Variants in ICA1 observed in about 807,000 individuals in gnomAD.
ICA1 encodes the protein 69 kDa islet cell autoantigen.
A neutral mutation model predicts 71.0 loss-of-function variants in ICA1; 40 were observed. That is an observed-to-expected ratio of 0.56 (90% CI 0.44 to 0.73). ICA1 has a LOEUF of 0.73. ICA1 is among the 30% of genes least tolerant of loss of function. ICA1 has a pLI of 0.00. For missense variants in ICA1, 578 were observed against 576.5 expected, an observed-to-expected ratio of 1.00 and a Z score of -0.03; for synonymous variants, 207 against 209.5, an observed-to-expected ratio of 0.99 and a Z score of 0.10.
At chr7:8,238,799 G>A (rs141805041) in intron 1 of ICA1, among the ~76,000 whole-genome samples, 111 of 152,138 alleles carry the variant, frequency 7.3e-4, no homozygotes, top group African/African-American at 1.4e-3. Flanking sequence ...GATACCATAC[G>A]GCAGTGTTCC....
At chr7:8,124,120 T>A (rs1361533686) in intron 13 of ICA1, among the ~76,000 whole-genome samples, 2,052 of 142,238 alleles carry the variant, frequency 0.014, 64 homozygotes, top group African/African-American at 0.05. Flanking sequence ...AATTTTTTTT[T>A]TTTTTTTTTT....
At chr7:8,206,586 A>T (rs1202815629) in intron 6 of ICA1, among the ~76,000 whole-genome samples, 2 of 152,186 alleles carry the variant, frequency 1.3e-5, no homozygotes, top group Admixed American at 6.5e-5. Flanking sequence ...ATGGCACAAC[A>T]TTTGAGAGGC....
intron 13 of ICA1, among the ~76,000 whole-genome samples, chr7:8,121,957 G>T (rs1188023389): frequency 6.6e-6 from 1 of 152,222 alleles, no homozygotes; most frequent in African/African-American, 2.4e-5. Context: ...GGAGAGGAGT[G>T]ATTAAGTACA....
In ICA1 at chr7:8,223,204, T is replaced by A. The variant is rs1216200540; in HGVS notation, c.257-1806A>T. On this transcript the variant is annotated intron_variant, in intron 4 of 13. Coordinates refer to ENST00000402384, the MANE Select transcript of ICA1 (RefSeq NM_001136020.3). This position sits in a 1 kb window ranked among gnomAD's most constrained non-coding sequence, Gnocchi z 4.1. ...ATGAATCTTTCCCTATGGAAAGCAATGTCTCATTTTTGATCTTAATCGTGT... is the reference window on the plus strand; with the variant it reads ...ATGAATCTTTCCCTATGGAAAGCAAAGTCTCATTTTTGATCTTAATCGTGT... Among the ~76,000 whole-genome samples the A allele has an allele frequency of 6.6e-6, 1 of 152,216 alleles. No homozygotes were observed. Among genetic ancestry groups the A allele is most frequent in the Non-Finnish European group, 1.5e-5 (1 of 68,040 alleles).
chr7:8,209,596 TAATA>T (rs1433719573), intron 6 of ICA1, among the ~76,000 whole-genome samples: 1 of 152,236 alleles, frequency 6.6e-6, no homozygotes, highest in Non-Finnish European at 1.5e-5. Context: ...CCCAATTGCA[TAATA>T]ATTAAGCCTA....
chr7:8,253,764 G>A (rs1809044257), intron 1 of ICA1, among the ~76,000 whole-genome samples: 1 of 152,094 alleles, frequency 6.6e-6, no homozygotes, highest in South Asian at 2.1e-4. Context: ...AGCATGTGTG[G>A]ATTTTCATAG....
At chr7:8,146,328 C>T (rs1483871216) in intron 8 of ICA1, among the ~76,000 whole-genome samples, 1 of 152,066 alleles carries the variant, frequency 6.6e-6, no homozygotes, top group Admixed American at 6.6e-5. Context: ...GAAGAGAGTT[C>T]CGAGTCAATG....
chr7:8,153,949 T>C (rs1800594139), intron 8 of ICA1, among the ~76,000 whole-genome samples: 1 of 151,302 alleles, frequency 6.6e-6, no homozygotes, highest in Non-Finnish European at 1.5e-5. Context: ...ACTTAGAAGA[T>C]AGTTTCTCTG....
At chr7:8,182,127 T>C (rs1782375718) in intron 6 of ICA1, among the ~76,000 whole-genome samples, 1 of 152,172 alleles carries the variant, frequency 6.6e-6, no homozygotes, top group South Asian at 2.1e-4. Context: ...TCTTACCCTT[T>C]TTTTTCCCTT....
rs1365614275 is a variant in ICA1 at position 8,127,892 on chromosome 7, G to A, written c.1311C>T (p.Asp437=). 6.2e-7 allele frequency: 1 copy of A among 1,613,942 alleles called. No individual in the cohort carries two copies. The highest frequency in any genetic ancestry group is 1.3e-5 in the African/African-American group (1 of 74,916). Residue 437 remains aspartate (D), a synonymous_variant, in exon 13 of 14, where the codon GAC becomes GAT. Coordinates refer to ENST00000402384, the MANE Select transcript of ICA1 (RefSeq NM_001136020.3). ...ACCTACCTTGTAGCGAGGCCTGTAA[G>A]TCTTTCATATTTTGGTCTAAAAGCT... The part of the protein sequence containing the change: ...PSQLLDQNMK[D]LQASLQEPAK...
At chr7:8,131,330 C>T (rs187765094) in intron 12 of ICA1, among the ~76,000 whole-genome samples, 6 of 152,262 alleles carry the variant, frequency 3.9e-5, no homozygotes, top group Admixed American at 1.3e-4. Context: ...AAATTTAAAC[C>T]TAAACTATTT....
intron 1 of ICA1, among the ~76,000 whole-genome samples, chr7:8,243,116 A>G (rs1206956178): frequency 6.6e-6 from 1 of 152,222 alleles, no homozygotes; most frequent in Non-Finnish European, 1.5e-5. Context: ...ACAACAAAAA[A>G]AGGGAATTTT....
Position 8,144,829 on chromosome 7 carries a change from G to T in ICA1, c.805-857C>A, listed in dbSNP as rs1251008173. Among the ~76,000 whole-genome samples, 6 of 152,194 alleles carry T rather than the reference G, an allele frequency of 3.9e-5. No individual in the cohort carries two copies. The highest frequency in any genetic ancestry group is 8.8e-5 in the Non-Finnish European group (6 of 68,012). On this transcript the variant is annotated intron_variant, in intron 8 of 13. Transcript: ENST00000402384. The surrounding 1 kb of genome is among the most constrained non-coding windows in gnomAD (Gnocchi z 4.5). ...GATACTTATCCTTCTTATATTCTCAGAACTACTAAAATCCAAGTCATGAGC... is the reference window on the plus strand; with the variant it reads ...GATACTTATCCTTCTTATATTCTCATAACTACTAAAATCCAAGTCATGAGC...
At chr7:8,191,871 A>G (rs1785758277) in intron 6 of ICA1, among the ~76,000 whole-genome samples, 1 of 152,152 alleles carries the variant, frequency 6.6e-6, no homozygotes, top group Non-Finnish European at 1.5e-5. Flanking sequence ...CAAAGACACT[A>G]AACATAATTC....
intron 6 of ICA1, among the ~76,000 whole-genome samples, chr7:8,162,665 CT>C (rs1804317354): frequency 6.6e-6 from 1 of 152,086 alleles, no homozygotes. Flanking sequence ...TTTGAAGGCC[CT>C]TTTAAAATTT....
intron 1 of ICA1, among the ~76,000 whole-genome samples, chr7:8,256,080 C>A (rs1371348282): frequency 2.0e-5 from 3 of 152,116 alleles, no homozygotes. Flanking sequence ...CAGCCTCTTT[C>A]ATCTTTTGCA....
At chr7:8,198,608 A>T (rs1788490328) in intron 6 of ICA1, among the ~76,000 whole-genome samples, 1 of 152,220 alleles carries the variant, frequency 6.6e-6, no homozygotes, top group African/African-American at 2.4e-5. Flanking sequence ...GAGCGTCATA[A>T]GGCCTGAACA....
intron 6 of ICA1, among the ~76,000 whole-genome samples, chr7:8,193,892 A>T (rs1465174969): frequency 6.6e-6 from 1 of 152,220 alleles, no homozygotes; most frequent in Non-Finnish European, 1.5e-5. Flanking sequence ...AGAAGGTCAC[A>T]GGAAAGGAGC....
chr7:8,140,929 G>A (rs887849), intron 10 of ICA1, among the ~76,000 whole-genome samples: 121,139 of 152,148 alleles, frequency 0.8, 48,436 homozygotes, highest in East Asian at 1. Context: ...TATCTTCCAG[G>A]AAGGTACCAC....
Sources: allele counts gnomAD v4.1 joint callset (sites outside exome capture counted in the v4.1 genomes callset), GRCh38; gene constraint gnomAD v4.1.1; non-coding constraint Gnocchi (gnomAD v3.1); transcripts MANE v1.5; gene names NCBI Gene and HGNC (gene_info 2026-07-23, HGNC 2026-07-21).